The following PPM1B variants were observed in gnomAD, a reference collection of about 807,000 sequenced individuals.
PPM1B encodes protein phosphatase, Mg2+/Mn2+ dependent 1B.
PPM1B carries 22 observed loss-of-function variants against 43.0 expected under a neutral mutation model. The ratio of observed to expected loss-of-function variants is 0.51; its 90% CI spans 0.37 to 0.73. The LOEUF (loss-of-function observed/expected upper bound fraction) is 0.73, where lower values mean the gene tolerates loss of function less well. Among genes scored for constraint, PPM1B ranks in the 30% least tolerant of loss-of-function variants. PPM1B has a pLI of 0.00. For missense variants in PPM1B, 632 were observed against 584.2 expected (o/e 1.08, Z -0.84); for synonymous variants, 217 against 197.9 (o/e 1.10, Z -0.81).
chr2:44,176,342 G>C (rs926836211), intron 1 of PPM1B, among the ~76,000 whole-genome samples: 1 of 152,140 alleles, frequency 6.6e-6, no homozygotes, highest in African/African-American at 2.4e-5. Context: ...CTGTTCTTAC[G>C]TGAGTATAGC....
downstream of PPM1B, chr2:44,234,521 A>C: frequency 1.0e-6 from 1 of 962,382 alleles, no homozygotes; most frequent in Non-Finnish European, 1.2e-6. Context: ...CCGTCTCAAA[A>C]AAAAAAAAAA....
At position 44,173,608 on chromosome 2, in the gene PPM1B, A is replaced by G. The variant is rs564298925; in HGVS notation, c.-15+4334A>G. Among the ~76,000 whole-genome samples, 4 of 152,282 alleles carry G rather than the reference A, an allele frequency of 2.6e-5. No individual in the cohort carries two copies. The East Asian group carries it at 7.7e-4, about 29-fold the overall frequency. On this transcript the variant is annotated intron_variant, in intron 1 of 5. Transcript: ENST00000282412. ...TTTACTATAACTAATCACATCTACA[A>G]TATCTTGTTATTGCTTGGCATAACA... is the stretch of plus-strand genomic sequence containing the variant.
At chr2:44,226,959 T>G (rs1558430012) in intron 5 of PPM1B, among the ~76,000 whole-genome samples, 97 of 142,046 alleles carry the variant, frequency 6.8e-4, no homozygotes, top group African/African-American at 2.1e-3. Context: ...TTTATTTATT[T>G]ATTTATTTAT....
At chr2:44,207,630 C>T (rs1257882275) in intron 2 of PPM1B, among the ~76,000 whole-genome samples, 1 of 150,064 alleles carries the variant, frequency 6.7e-6, no homozygotes, top group East Asian at 2.0e-4. Context: ...GGCTAGAGTG[C>T]AGTGGTGTCA....
chr2:44,199,374 A>T (rs1289964702), intron 1 of PPM1B, among the ~76,000 whole-genome samples: 1 of 151,100 alleles, frequency 6.6e-6, no homozygotes, highest in African/African-American at 2.4e-5. Context: ...CTGTAGTCCC[A>T]GCTACTTGGG....
intron 1 of PPM1B, among the ~76,000 whole-genome samples, chr2:44,187,106 C>A (rs1228487005): frequency 6.6e-6 from 1 of 152,230 alleles, no homozygotes; most frequent in African/African-American, 2.4e-5. Flanking sequence ...TACCTCCAGT[C>A]CATGGTAACT....
intron 4 of PPM1B, 81 bp downstream of exon 4, chr2:44,218,159 A>G: frequency 2.9e-6 from 3 of 1,025,670 alleles, no homozygotes; most frequent in Middle Eastern, 2.1e-4. Flanking sequence ...TTAAATCAGA[A>G]GTACATCAAT....
intron 5 of PPM1B, among the ~76,000 whole-genome samples, chr2:44,241,111 C>T (rs1351715590): frequency 1.4e-5 from 2 of 143,282 alleles, no homozygotes; most frequent in African/African-American, 5.0e-5. Flanking sequence ...TCAAGTGATT[C>T]TCCTGCCTCA....
downstream of PPM1B, chr2:44,231,536 A>G (rs1670469277): frequency 1.3e-6 from 1 of 789,174 alleles, no homozygotes; most frequent in African/African-American, 1.9e-5. Context: ...TATTGGAAGA[A>G]TACCCATTAG....
chr2:44,215,895 T>C (rs1669696676), intron 3 of PPM1B, among the ~76,000 whole-genome samples: 1 of 152,180 alleles, frequency 6.6e-6, no homozygotes, highest in Admixed American at 6.5e-5. Flanking sequence ...TGAGCAGCCG[T>C]GCTTGGAGAG....
At chr2:44,217,794 TTCAG>T (rs1402090893) in intron 3 of PPM1B, 169 bp from the exon 4 acceptor site, 133 of 419,188 alleles carry the variant, frequency 3.2e-4, no homozygotes, top group African/African-American at 2.6e-3. Flanking sequence ...ATAGCAATGT[TTCAG>T]TCAATAAGTA....
chr2:44,202,337 G>T (rs969716771), intron 2 of PPM1B, among the ~76,000 whole-genome samples: 2 of 152,012 alleles, frequency 1.3e-5, no homozygotes, highest in Non-Finnish European at 2.9e-5. Context: ...CTTGACATTG[G>T]CAGTAACCAT....
At chr2:44,206,059 G>GT (rs1024710453) in intron 2 of PPM1B, among the ~76,000 whole-genome samples, 47 of 152,046 alleles carry the variant, frequency 3.1e-4, no homozygotes, top group African/African-American at 1.1e-3. Flanking sequence ...ATTGTTTTCT[G>GT]TTTAAGTTTA....
chr2:44,246,083 G>A (rs942081976), downstream of PPM1B, among the ~76,000 whole-genome samples: 6 of 151,950 alleles, frequency 3.9e-5, no homozygotes, highest in East Asian at 1.2e-3. Flanking sequence ...ATATCCTAAC[G>A]CCAACTGTAT....
chr2:44,207,758 T>G (rs1374289503), intron 2 of PPM1B, among the ~76,000 whole-genome samples: 2 of 151,918 alleles, frequency 1.3e-5, no homozygotes, highest in African/African-American at 4.8e-5. Context: ...AATTTTTGTG[T>G]TTTTTGAAGA....
At chr2:44,202,286 C>T (rs998956207) in intron 2 of PPM1B, among the ~76,000 whole-genome samples, 1 of 152,152 alleles carries the variant, frequency 6.6e-6, no homozygotes, top group Non-Finnish European at 1.5e-5. Flanking sequence ...TACTTCATAG[C>T]TTGTTGCTGT....
chr2:44,201,991 A>G lies in PPM1B; in HGVS notation c.792A>G (p.Val264=). ...AATATGTTAAATCTAGGCTTGAGGT[A>G]TCTGATGACCTGGAAAATGTGTGCA... ...LCEYVKSRLE[V]SDDLENVCNW... is the part of the protein sequence containing the mutation. Residue 264 remains valine (V), a synonymous_variant, in exon 2 of 6, where the codon GTA becomes GTG. Coordinates refer to ENST00000282412, the MANE Select transcript of PPM1B (RefSeq NM_002706.6). This position sits in a 1 kb window ranked among gnomAD's most constrained non-coding sequence, Gnocchi z 5.4. 6.2e-7 allele frequency: 1 copy of G among 1,612,244 alleles called. No individual in the cohort carries two copies. The highest frequency in any genetic ancestry group is 8.5e-7 in the Non-Finnish European group (1 of 1,179,116).
At position 44,211,742 on chromosome 2, in the gene PPM1B, C is replaced by CTTT. The variant is rs55716263; in HGVS notation, c.964+2437_964+2439dup. On this transcript the variant is annotated intron_variant, in intron 3 of 5. Transcript: ENST00000282412. ...CCAACTGGTGATTTTCTGATTCTGT[C>CTTT]TTTTTTTTTTTTTTTTTTTTTTTTA... Among the ~76,000 whole-genome samples, 368 of 78,520 alleles carry CTTT rather than the reference C, an allele frequency of 4.7e-3. 2 individuals carry two copies. The highest frequency in any genetic ancestry group is 9.4e-3 in the African/African-American group (188 of 20,016). The allele number at this position is 78,520 out of a possible 152,430, so 51.5% of individuals were successfully genotyped here. A position where few individuals can be genotyped will look rare whatever the true frequency, so the allele number is the denominator to read the frequency against.
chr2:44,204,858 CAAAAAAAAAAAAAA>C (rs368660082), intron 2 of PPM1B, among the ~76,000 whole-genome samples: 1 of 36,686 alleles, frequency 2.7e-5, no homozygotes, highest in Non-Finnish European at 7.6e-5. Context: ...GACTCCGTCT[CAAAAAAAAAAAAAA>C]AAAAAAAAAA....
Sources: allele counts gnomAD v4.1 joint callset (sites outside exome capture counted in the v4.1 genomes callset), GRCh38; gene constraint gnomAD v4.1.1; non-coding constraint Gnocchi (gnomAD v3.1); transcripts MANE v1.5; gene names NCBI Gene and HGNC (gene_info 2026-07-23, HGNC 2026-07-21).